Variants in ZNF609 observed in about 807,000 individuals in gnomAD.
ZNF609 encodes the protein zinc finger protein 609.
Under a neutral mutation model 109.5 loss-of-function variants are expected in ZNF609, and 11 were observed. The ratio of observed to expected loss-of-function variants is 0.10; its 90% CI spans 0.06 to 0.17. ZNF609 has a LOEUF of 0.17. Ranked by LOEUF, ZNF609 falls within the 10% of genes least tolerant of loss-of-function variation. ZNF609 has a pLI of 1.00. For missense variants in ZNF609, 1,559 were observed against 1,772.4 expected (o/e 0.88, Z 2.16); for synonymous variants, 646 against 662.0 (o/e 0.98, Z 0.37).
intron 2 of ZNF609, among the ~76,000 whole-genome samples, chr15:64,603,887 T>C (rs549456067): frequency 6.7e-6 from 1 of 149,698 alleles, no homozygotes; most frequent in African/African-American, 2.5e-5. Context: ...TAATCCCAGC[T>C]ACTCGGGAGG....
At chr15:64,661,181 C>T (rs572211226) in intron 3 of ZNF609, among the ~76,000 whole-genome samples, 4 of 152,148 alleles carry the variant, frequency 2.6e-5, no homozygotes, top group East Asian at 1.9e-4. Flanking sequence ...AGGCTGGTCT[C>T]GAACTCCTGG....
rs545805956 is a variant in ZNF609 at position 64,646,843 on chromosome 15, G to A, written c.974-23503G>A. Among the ~76,000 whole-genome samples, 5 of 150,860 alleles carry A rather than the reference G, an allele frequency of 3.3e-5. No individual in the cohort carries two copies. In the South Asian group the frequency reaches 1.1e-3, roughly 32 times the overall value. On this transcript the variant is annotated intron_variant, in intron 3 of 9. Coordinates refer to ENST00000326648, the MANE Select transcript of ZNF609 (RefSeq NM_015042.2). ...TAGTACCAGCTACTCGGGAGGCTGA[G>A]GCAGGAGAATCGCTTGAACCTGGGA...
chr15:64,564,347 G>A (rs1158955272), intron 2 of ZNF609, among the ~76,000 whole-genome samples: 1 of 152,092 alleles, frequency 6.6e-6, no homozygotes, highest in East Asian at 1.9e-4. Flanking sequence ...AGGGAGAGCT[G>A]TTGTGGCCAG....
intron 3 of ZNF609, among the ~76,000 whole-genome samples, chr15:64,625,896 A>C (rs1895947920): frequency 2.6e-4 from 2 of 7,632 alleles, no homozygotes; most frequent in Non-Finnish European, 6.2e-4. Flanking sequence ...CTCAAAAAAA[A>C]AAAAAAAAAA....
chr15:64,639,700 A>G (rs966946705), intron 3 of ZNF609, among the ~76,000 whole-genome samples: 3 of 152,174 alleles, frequency 2.0e-5, no homozygotes, highest in Non-Finnish European at 4.4e-5. Context: ...GAACTTCAAT[A>G]TACCTTTTTT....
At chr15:64,490,905 A>G (rs1362854374) in intron 1 of ZNF609, among the ~76,000 whole-genome samples, 2 of 152,170 alleles carry the variant, frequency 1.3e-5, no homozygotes, top group Non-Finnish European at 2.9e-5. Flanking sequence ...GCCTTTGAGG[A>G]CTATAAAACT....
At position 64,679,008 on chromosome 15, in the gene ZNF609, C is replaced by G. The variant is rs189982067; in HGVS notation, c.3769+526C>G. On this transcript the variant is annotated intron_variant, in intron 6 of 9. Coordinates refer to ENST00000326648, the MANE Select transcript of ZNF609 (RefSeq NM_015042.2). ...GTAAGAAGAGCCATCTGAAGTCAGA[C>G]TGGGGGGAGGTCCTGCTAGATTCAG... is the stretch of plus-strand genomic sequence containing the variant. Among the ~76,000 whole-genome samples the G allele has an allele frequency of 5.3e-4, 80 of 152,334 alleles. 3 individuals are homozygous for G. In the East Asian group the frequency reaches 0.015, roughly 29 times the overall value.
intron 2 of ZNF609, among the ~76,000 whole-genome samples, chr15:64,522,824 G>A (rs887047989): frequency 6.6e-6 from 1 of 152,058 alleles, no homozygotes; most frequent in Non-Finnish European, 1.5e-5. Flanking sequence ...TGCTGGAGTA[G>A]CATTTTAGTT....
Position 64,684,317 on chromosome 15 carries a change from G to A in ZNF609, c.*2631G>A, listed in dbSNP as rs1567048109. The A allele has an allele frequency of 1.3e-5, 2 of 152,544 alleles. No individual in the cohort carries two copies. The highest frequency in any genetic ancestry group is 6.5e-5 in the Admixed American group (1 of 15,294). The allele number at this position is 152,544 out of a possible 1,614,324, so 9.4% of individuals were successfully genotyped here. Reference sequence around the variant, plus strand: ...AAGGCTGGAAAAATTTGCTACCAAGGGCCAAGACCACCAGACCAAGCCTGT... The same window carrying A: ...AAGGCTGGAAAAATTTGCTACCAAGAGCCAAGACCACCAGACCAAGCCTGT... On this transcript the variant is annotated 3_prime_UTR_variant, in exon 10 of 10. Coordinates refer to ENST00000326648, the MANE Select transcript of ZNF609 (RefSeq NM_015042.2).
intron 1 of ZNF609, among the ~76,000 whole-genome samples, chr15:64,493,671 A>G (rs1010877975): frequency 6.6e-6 from 1 of 152,214 alleles, no homozygotes; most frequent in East Asian, 1.9e-4. Flanking sequence ...AGTGGAGTAC[A>G]CTTAGGCAGA....
intron 1 of ZNF609, among the ~76,000 whole-genome samples, chr15:64,490,168 G>C (rs1241017470): frequency 6.6e-6 from 1 of 151,644 alleles, no homozygotes; most frequent in African/African-American, 2.4e-5. Flanking sequence ...CCATTATGTT[G>C]CCCAGGCTGG....
intron 3 of ZNF609, among the ~76,000 whole-genome samples, chr15:64,627,965 G>T (rs557544774): frequency 3.1e-4 from 46 of 149,668 alleles, no homozygotes; most frequent in African/African-American, 1.1e-3. Flanking sequence ...CAGCCTATCA[G>T]CTCTTAAGTT....
chr15:64,546,735 A>G (rs1245128216), intron 2 of ZNF609, among the ~76,000 whole-genome samples: 1 of 151,522 alleles, frequency 6.6e-6, no homozygotes, highest in Admixed American at 6.6e-5. Context: ...ATGTCTCTCA[A>G]AGTGCTGGGA....
At chr15:64,583,855 T>A (rs1895151606) in intron 2 of ZNF609, among the ~76,000 whole-genome samples, 1 of 152,172 alleles carries the variant, frequency 6.6e-6, no homozygotes, top group South Asian at 2.1e-4. Flanking sequence ...TCAGAGTACC[T>A]GATGCCACAA....
Position 64,566,546 on chromosome 15 carries a change from C to A in ZNF609, c.748-56281C>A, listed in dbSNP as rs145563059. Among the ~76,000 whole-genome samples, 920 of 152,194 alleles carry A rather than the reference C, an allele frequency of 6.0e-3. 13 individuals are homozygous for A. The highest frequency in any genetic ancestry group is 0.021 in the African/African-American group (884 of 41,510). On this transcript the variant is annotated intron_variant, in intron 2 of 9. Transcript: ENST00000326648. Reference sequence around the variant, plus strand: ...GCCATGATGTGATTTGATGAGACTGCCAAGAGCTAGACATTCTAGCCATTT... The same window carrying A: ...GCCATGATGTGATTTGATGAGACTGACAAGAGCTAGACATTCTAGCCATTT...
intron 2 of ZNF609, among the ~76,000 whole-genome samples, chr15:64,549,077 T>C (rs1894417523): frequency 6.6e-6 from 1 of 152,202 alleles, no homozygotes; most frequent in South Asian, 2.1e-4. Flanking sequence ...TAGGTCTAAA[T>C]TCCACATTAA....
chr15:64,488,245 TGAGA>T (rs1893359438), intron 1 of ZNF609, among the ~76,000 whole-genome samples: 1 of 152,292 alleles, frequency 6.6e-6, no homozygotes, highest in East Asian at 1.9e-4. Context: ...GACTGCTAAT[TGAGA>T]GAGTTTATAA....
chr15:64,603,960 T>C (rs1353381402), intron 2 of ZNF609, among the ~76,000 whole-genome samples: 1 of 123,552 alleles, frequency 8.1e-6, no homozygotes. Context: ...ATCACACCAC[T>C]ACAGTCCAGC....
At chr15:64,563,164 T>G (rs1350108462) in intron 2 of ZNF609, among the ~76,000 whole-genome samples, 1 of 145,886 alleles carries the variant, frequency 6.9e-6, no homozygotes, top group Non-Finnish European at 1.5e-5. Flanking sequence ...ACTAAAAAAT[T>G]TTAGTCTGGG....
Sources: allele counts gnomAD v4.1 joint callset (sites outside exome capture counted in the v4.1 genomes callset), GRCh38; gene constraint gnomAD v4.1.1; transcripts MANE v1.5; gene names NCBI Gene and HGNC (gene_info 2026-07-23, HGNC 2026-07-21).